PDE4B: variants seen among roughly 807,000 people sequenced by gnomAD.
The protein encoded by PDE4B is phosphodiesterase 4B.
PDE4B carries 20 observed loss-of-function variants against 82.2 expected under a neutral mutation model. The observed-to-expected ratio is 0.24, with a 90% CI of 0.17 to 0.35. PDE4B has a LOEUF of 0.35. Ranked by LOEUF, PDE4B falls within the 10% of genes least tolerant of loss-of-function variation. PDE4B has a pLI of 1.00. For synonymous variants in PDE4B, 320 were observed against 318.9 expected (o/e 1.00, Z -0.04); for missense variants, 655 against 907.2 (o/e 0.72, Z 3.57).
rs184371791 is a variant in PDE4B at position 66,008,072 on chromosome 1, T to A, written c.281+89237T>A. ...TTACTGGATTCACATGTTCCCTTAT[T>A]AAAAGCTTCCTCCCAGGAAGGCTTG... On this transcript the variant is annotated intron_variant, in intron 3 of 16. Transcript: ENST00000341517. Among the ~76,000 whole-genome samples the A allele has an allele frequency of 5.9e-5, 9 of 152,298 alleles. No individual in the cohort carries two copies. The East Asian group carries it at 1.7e-3, about 29-fold the overall frequency.
At chr1:66,211,251 A>G (rs1026609753) in intron 3 of PDE4B, among the ~76,000 whole-genome samples, 1 of 152,234 alleles carries the variant, frequency 6.6e-6, no homozygotes, top group South Asian at 2.1e-4. Context: ...ACTTATTTGT[A>G]TAAAAGACAT....
chr1:66,171,096 A>G (rs1570392514), intron 3 of PDE4B, among the ~76,000 whole-genome samples: 1 of 152,196 alleles, frequency 6.6e-6, no homozygotes, highest in East Asian at 1.9e-4. Flanking sequence ...TAAGAGTTAG[A>G]GTTACTTACT....
intron 1 of PDE4B, among the ~76,000 whole-genome samples, chr1:65,884,728 T>C (rs554159117): frequency 3.0e-4 from 46 of 152,330 alleles, no homozygotes; most frequent in Non-Finnish European, 5.3e-4. Flanking sequence ...ATTAAAGACT[T>C]GAATGTTAGA....
intron 3 of PDE4B, among the ~76,000 whole-genome samples, chr1:66,105,853 G>A (rs1416164629): frequency 6.6e-6 from 1 of 151,754 alleles, no homozygotes; most frequent in African/African-American, 2.4e-5. Flanking sequence ...AGACAATGGG[G>A]TTTTCTAGAT....
At chr1:65,987,773 C>T (rs1325437783) in intron 3 of PDE4B, among the ~76,000 whole-genome samples, 1 of 152,050 alleles carries the variant, frequency 6.6e-6, no homozygotes, top group African/African-American at 2.4e-5. Flanking sequence ...CTGCCACGCC[C>T]AGCTAATTTT....
chr1:66,335,730 G>A (rs1309996029), intron 8 of PDE4B, among the ~76,000 whole-genome samples: 1 of 152,208 alleles, frequency 6.6e-6, no homozygotes, highest in African/African-American at 2.4e-5. Context: ...AATAAGTTCA[G>A]CAGAAGTTTT....
At chr1:66,316,537 AAC>A (rs1332278225) in intron 7 of PDE4B, among the ~76,000 whole-genome samples, 1 of 152,218 alleles carries the variant, frequency 6.6e-6, no homozygotes, top group African/African-American at 2.4e-5. Flanking sequence ...TGACATGCAA[AAC>A]ATTTACAGTC....
rs552289528 is a variant in PDE4B at position 66,107,344 on chromosome 1, T to C, written c.282-140116T>C. Among the ~76,000 whole-genome samples the C allele has an allele frequency of 2.0e-5, 3 of 152,126 alleles. No individual in the cohort carries two copies. In the South Asian group the frequency reaches 6.2e-4, roughly 32 times the overall value. ...CTGATCTTTCATTCATTATTTTCAG[T>C]GCACACCTGAATTGAGAAAAGCACA... On this transcript the variant is annotated intron_variant, in intron 3 of 16. Transcript: ENST00000341517.
At chr1:65,953,283 GT>G (rs1649094370) in intron 3 of PDE4B, among the ~76,000 whole-genome samples, 1 of 152,086 alleles carries the variant, frequency 6.6e-6, no homozygotes, top group South Asian at 2.1e-4. Context: ...AGCTGAAAAT[GT>G]TTTATACTCT....
At chr1:65,884,861 G>GCCAAAT (rs1646753617) in intron 1 of PDE4B, among the ~76,000 whole-genome samples, 1 of 152,114 alleles carries the variant, frequency 6.6e-6, no homozygotes, top group African/African-American at 2.4e-5. Context: ...TTGACAAATG[G>GCCAAAT]GATCTAATTA....
intron 1 of PDE4B, among the ~76,000 whole-genome samples, chr1:65,894,209 A>G (rs1256011804): frequency 2.0e-5 from 3 of 152,194 alleles, no homozygotes; most frequent in Admixed American, 1.3e-4. Context: ...ACAATATTCT[A>G]TTGGCATAAG....
intron 3 of PDE4B, among the ~76,000 whole-genome samples, chr1:66,233,391 G>T (rs973272535): frequency 2.6e-5 from 4 of 151,946 alleles, no homozygotes; most frequent in African/African-American, 9.7e-5. Context: ...GTTACATTTG[G>T]ATTGTTTCCA....
chr1:66,183,484 G>A (rs1031246220), intron 3 of PDE4B, among the ~76,000 whole-genome samples: 4 of 152,050 alleles, frequency 2.6e-5, no homozygotes, highest in African/African-American at 7.2e-5. Context: ...CATTTAACAC[G>A]AGCAATGACA....
intron 3 of PDE4B, among the ~76,000 whole-genome samples, chr1:66,134,272 A>C (rs2503172): frequency 1.2e-4 from 18 of 152,358 alleles, no homozygotes; most frequent in Non-Finnish European, 2.5e-4. Flanking sequence ...AATAAACCAA[A>C]GCAATTATGT....
chr1:66,333,548 A>T (rs1052862317), intron 8 of PDE4B, among the ~76,000 whole-genome samples: 1 of 152,214 alleles, frequency 6.6e-6, no homozygotes, highest in African/African-American at 2.4e-5. Context: ...AGTCCCAGTC[A>T]TTCTAGCCTG....
At chr1:65,922,261 G>C (rs1242561978) in intron 3 of PDE4B, among the ~76,000 whole-genome samples, 4 of 152,150 alleles carry the variant, frequency 2.6e-5, no homozygotes, top group Non-Finnish European at 5.9e-5. Context: ...GAAAATTAAA[G>C]AAAAGGTTTG....
At chr1:66,357,709 G>A (rs1374438493) in intron 9 of PDE4B, among the ~76,000 whole-genome samples, 2 of 151,834 alleles carry the variant, frequency 1.3e-5, no homozygotes, top group African/African-American at 2.4e-5. Flanking sequence ...CAGACTAGAC[G>A]GGCAGATTAG....
chr1:66,298,984 G>C (rs1468156929), intron 7 of PDE4B, among the ~76,000 whole-genome samples: 1 of 152,080 alleles, frequency 6.6e-6, no homozygotes, highest in African/African-American at 2.4e-5. Context: ...GGGATACAGA[G>C]TGATATTTTT....
Position 66,131,592 on chromosome 1 carries a change from GATATATATATATATATATAT to G in PDE4B, c.282-115841_282-115822del, listed in dbSNP as rs71058452. 4.5e-3 allele frequency among the ~76,000 whole-genome samples: 147 copies of G among 32,874 alleles called. 7 individuals are homozygous for G. In the South Asian group the frequency reaches 0.16, roughly 36 times the overall value. The allele number at this position is 32,874 out of a possible 152,430, so 21.6% of individuals were successfully genotyped here. On this transcript the variant is annotated intron_variant, in intron 3 of 16. Transcript: ENST00000341517. Reference sequence around the variant, plus strand: ...TATTTTCAATATTTTCTGAATGCCAGATATATATATATATATATATATATATATATATATATATATATATA... The same window carrying G: ...TATTTTCAATATTTTCTGAATGCCAGATATATATATATATATATATATATA...
Sources: gnomAD v4.1 joint callset for allele counts (sites outside exome capture counted in the v4.1 genomes callset) on GRCh38, gnomAD v4.1.1 for gene constraint, MANE v1.5 for transcripts, NCBI Gene and HGNC (gene_info 2026-07-23, HGNC 2026-07-21) for gene names.